Variants in CACNG2 observed in about 807,000 individuals in gnomAD.
CACNG2 encodes calcium voltage-gated channel auxiliary subunit gamma 2, also known as voltage-dependent calcium channel gamma-2 subunit.
Under a neutral mutation model 25.9 loss-of-function variants are expected in CACNG2, and 3 were observed. The observed-to-expected ratio is 0.12, with a 90% confidence interval of 0.05 to 0.30. The LOEUF is 0.30. Among genes scored for constraint, CACNG2 ranks in the 10% least tolerant of loss-of-function variants. The pLI is 1.00. For synonymous variants in CACNG2, 167 were observed against 173.3 expected (o/e 0.96, Z 0.29); for missense variants, 341 against 432.5 (o/e 0.79, Z 1.88).
At chr22:36,575,466 G>A (rs1048405563) in intron 2 of CACNG2, among the ~76,000 whole-genome samples, 3 of 152,048 alleles carry the variant, frequency 2.0e-5, no homozygotes, top group Non-Finnish European at 4.4e-5. Flanking sequence ...GACAGGGCAC[G>A]CGGGGCCCCG....
intron 2 of CACNG2, among the ~76,000 whole-genome samples, chr22:36,587,114 T>C (rs539479332): frequency 2.0e-5 from 3 of 151,522 alleles, no homozygotes; most frequent in African/African-American, 7.3e-5. Context: ...CCTAGCAGAG[T>C]TGGGAGATGG....
intron 1 of CACNG2, among the ~76,000 whole-genome samples, chr22:36,639,098 G>A (rs544529034): frequency 6.6e-6 from 1 of 152,302 alleles, no homozygotes; most frequent in East Asian, 1.9e-4. Context: ...GTTCCAGGTT[G>A]GATCGTGGAT....
chr22:36,657,610 G>A (rs1601440194), intron 1 of CACNG2, among the ~76,000 whole-genome samples: 1 of 152,144 alleles, frequency 6.6e-6, no homozygotes, highest in Admixed American at 6.5e-5. Context: ...GCTGGATAGG[G>A]CTGGACACTG....
At chr22:36,650,844 A>G (rs547853555) in intron 1 of CACNG2, among the ~76,000 whole-genome samples, 11 of 152,322 alleles carry the variant, frequency 7.2e-5, no homozygotes, top group African/African-American at 2.6e-4. Flanking sequence ...AAAACACCAC[A>G]GGCACACTCC....
chr22:36,702,357 G>T lies in CACNG2; in HGVS notation c.211+9C>A. The T allele has an allele frequency of 1.2e-6, 2 of 1,603,676 alleles. No individual in the cohort carries two copies. The highest frequency in any genetic ancestry group is 1.7e-6 in the Non-Finnish European group (2 of 1,171,626). ...GTGGAGAGGGGGGAGGAGATGGGAA[G>T]TCAAGTACCTTCTAGGCAGCAGGTT... is the stretch of plus-strand genomic sequence containing the variant. On this transcript the variant is annotated intron_variant, in intron 1 of 3. Transcript: ENST00000300105.
chr22:36,564,057 C>T lies in CACNG2; in HGVS notation c.*294G>A. 1 of 271,856 alleles carries T rather than the reference C, an allele frequency of 3.7e-6. No individual in the cohort carries two copies. The highest frequency in any genetic ancestry group is 6.8e-6 in the Non-Finnish European group (1 of 147,230). 16.8% of individuals were successfully genotyped at this position (271,856 alleles called of 1,614,324 possible). The stretch of plus-strand genomic sequence containing the variant: ...TATTTTCTATTTTTAATTTTTTATC[C>T]CTCTCGCTTTTTTTTAAAGTTTGTT... On this transcript the variant is annotated 3_prime_UTR_variant, in exon 4 of 4. Transcript: ENST00000300105. The surrounding 1 kb of genome is among the most constrained non-coding windows in gnomAD (Gnocchi z 6.7).
rs190316837 is a variant in CACNG2, at chr22:36,585,792, G to C, written c.295+1673C>G. Among the ~76,000 whole-genome samples, 12 of 152,322 alleles carry C rather than the reference G, an allele frequency of 7.9e-5. No homozygotes were observed. In the East Asian group the frequency reaches 2.1e-3, roughly 27 times the overall value. On this transcript the variant is annotated intron_variant, in intron 2 of 3. Coordinates refer to ENST00000300105, the MANE Select transcript of CACNG2 (RefSeq NM_006078.5). ...AATCTGAGTCCAAGTCTTTTGTCCA[G>C]GGACACCAAAATGAACCAAATACTC... is the stretch of plus-strand genomic sequence containing the variant.
At chr22:36,681,940 G>A (rs1268784732) in intron 1 of CACNG2, among the ~76,000 whole-genome samples, 1 of 152,132 alleles carries the variant, frequency 6.6e-6, no homozygotes, top group African/African-American at 2.4e-5. Flanking sequence ...TTTCTGGTAT[G>A]GCCAAAGGAT....
At chr22:36,625,644 G>T (rs1603501985) in intron 1 of CACNG2, among the ~76,000 whole-genome samples, 1 of 152,334 alleles carries the variant, frequency 6.6e-6, no homozygotes, top group South Asian at 2.1e-4. Context: ...AAAGGAAACT[G>T]TATTATGCTT....
intron 1 of CACNG2, among the ~76,000 whole-genome samples, chr22:36,598,168 T>C (rs1935703984): frequency 1.3e-5 from 2 of 152,162 alleles, no homozygotes; most frequent in South Asian, 4.1e-4. Context: ...CTGAAAAAAG[T>C]TTATTGAACA....
Position 36,564,428 on chromosome 22 carries a change from C to T in CACNG2, c.895G>A (p.Val299Ile). Residue 299 changes from valine to isoleucine, a missense_variant, in exon 4 of 4, where the codon GTT becomes ATT. Coordinates refer to ENST00000300105, the MANE Select transcript of CACNG2 (RefSeq NM_006078.5). This position sits in a 1 kb window ranked among gnomAD's most constrained non-coding sequence, Gnocchi z 6.7. ...TTCTCCTTCTGGATACAGTTGTGAA[C>T]CTGGAGGAAGCTGTTATCCCTGTCG... is the stretch of plus-strand genomic sequence containing the variant. Reference protein sequence around the residue: ...NSDRDNSFLQVHNCIQKENKD... With the variant: ...NSDRDNSFLQIHNCIQKENKD... 2 of 1,613,938 alleles carry T rather than the reference C, an allele frequency of 1.2e-6. No homozygotes were observed. Among genetic ancestry groups the T allele is most frequent in the South Asian group, 1.1e-5 (1 of 91,056 alleles).
At chr22:36,665,612 G>A (rs185220150) in intron 1 of CACNG2, among the ~76,000 whole-genome samples, 2 of 152,138 alleles carry the variant, frequency 1.3e-5, no homozygotes, top group East Asian at 1.9e-4. Flanking sequence ...GCAAGCACAT[G>A]AAAAGATGCT....
intron 1 of CACNG2, among the ~76,000 whole-genome samples, chr22:36,623,045 A>ATC (rs1162433513): frequency 6.9e-5 from 7 of 101,032 alleles, no homozygotes; most frequent in African/African-American, 7.9e-5. Context: ...TTGAGACAGG[A>ATC]TCTCTCTCTC....
intron 1 of CACNG2, among the ~76,000 whole-genome samples, chr22:36,593,797 G>A (rs1326816402): frequency 1.3e-5 from 2 of 152,010 alleles, no homozygotes; most frequent in Non-Finnish European, 2.9e-5. Flanking sequence ...AGGGTCAGCT[G>A]GAGGAGCACA....
At chr22:36,602,678 G>T (rs1056957634) in intron 1 of CACNG2, among the ~76,000 whole-genome samples, 1 of 152,198 alleles carries the variant, frequency 6.6e-6, no homozygotes, top group Non-Finnish European at 1.5e-5. Context: ...GAGCCACTGC[G>T]CCCGGACTAC....
chr22:36,665,354 T>C (rs1044506323), intron 1 of CACNG2, among the ~76,000 whole-genome samples: 1 of 152,170 alleles, frequency 6.6e-6, no homozygotes, highest in South Asian at 2.1e-4. Context: ...CAAGTGCGGA[T>C]TGAAGTAGTG....
chr22:36,667,279 C>T (rs1356487618), intron 1 of CACNG2, among the ~76,000 whole-genome samples: 2 of 152,210 alleles, frequency 1.3e-5, no homozygotes, highest in Non-Finnish European at 2.9e-5. Context: ...ACTCAGCTCC[C>T]ACCTTGGAGA....
chr22:36,689,714 C>T (rs1321006004), intron 1 of CACNG2, among the ~76,000 whole-genome samples: 1 of 152,244 alleles, frequency 6.6e-6, no homozygotes, highest in African/African-American at 2.4e-5. Context: ...CCTCCCATCT[C>T]TCTGCAGCCA....
intron 1 of CACNG2, among the ~76,000 whole-genome samples, chr22:36,683,418 C>T (rs1937152905): frequency 6.6e-6 from 1 of 152,194 alleles, no homozygotes; most frequent in Non-Finnish European, 1.5e-5. Context: ...AAGGAAATGC[C>T]TGCATTCTCT....
Sources: allele counts gnomAD v4.1 joint callset (sites outside exome capture counted in the v4.1 genomes callset), GRCh38; gene constraint gnomAD v4.1.1; non-coding constraint Gnocchi (gnomAD v3.1); transcripts MANE v1.5; gene names NCBI Gene and HGNC (gene_info 2026-07-23, HGNC 2026-07-21).